Variants in ACOXL observed in about 807,000 individuals in gnomAD.
ACOXL encodes acyl-CoA oxidase like.
A neutral mutation model predicts 71.9 loss-of-function variants in ACOXL; 70 were observed. The ratio of observed to expected loss-of-function variants is 0.97; its 90% CI spans 0.80 to 1.19. ACOXL has a LOEUF of 1.19. Ranked by LOEUF, ACOXL falls within the 50% of genes most tolerant of loss-of-function variation. The pLI is 0.00. For missense variants in ACOXL, 703 were observed against 736.3 expected (o/e 0.95, Z 0.52); for synonymous variants, 253 against 281.6 (o/e 0.90, Z 1.02).
intron 2 of ACOXL, 151 bp downstream of exon 2, chr2:110,768,615 T>C: frequency 1.4e-6 from 1 of 701,188 alleles, no homozygotes; most frequent in Non-Finnish European, 2.4e-6. Flanking sequence ...TTGCGTGTTA[T>C]GGAGGTTTGA....
At chr2:110,938,938 A>G (rs1346851740) in intron 12 of ACOXL, among the ~76,000 whole-genome samples, 1 of 152,132 alleles carries the variant, frequency 6.6e-6, no homozygotes, top group Admixed American at 6.5e-5. Flanking sequence ...CAATGATGAC[A>G]TTCATTAGCT....
In ACOXL at chr2:110,793,694, C is replaced by T. The variant is rs773459147; in HGVS notation, c.204C>T (p.Leu68=). The T allele has an allele frequency of 2.7e-5, 44 of 1,614,002 alleles. No individual in the cohort carries two copies. Among genetic ancestry groups the T allele is most frequent in the Admixed American group, 6.7e-5 (4 of 60,006 alleles). Reference sequence around the variant, plus strand: ...TATTTGGTGGTGCTATCAGGAATCTCGGAAGCCCTGAACATGTTACTAAGT... The same window carrying T: ...TATTTGGTGGTGCTATCAGGAATCTTGGAAGCCCTGAACATGTTACTAAGT... The part of the protein sequence containing the change: ...YWLFGGAIRN[L]GSPEHVTKWF... The change falls in exon 4 of 18, where the codon CTC becomes CTT. Residue 68 remains leucine, a synonymous_variant. Transcript: ENST00000439055.
intron 6 of ACOXL, 131 bp downstream of exon 6, chr2:110,798,855 A>G (rs1024683426): frequency 8.7e-7 from 1 of 1,146,080 alleles, no homozygotes; most frequent in Admixed American, 1.9e-5. Context: ...ATATGCATGA[A>G]GAAATTTATC....
chr2:110,921,514 C>A (rs2060075499), intron 11 of ACOXL, among the ~76,000 whole-genome samples: 2 of 151,620 alleles, frequency 1.3e-5, no homozygotes, highest in Non-Finnish European at 2.9e-5. Flanking sequence ...CTGCCTCAGC[C>A]TCCCAAGTAG....
chr2:110,750,190 T>G (rs1285584775), intron 1 of ACOXL, among the ~76,000 whole-genome samples: 1 of 152,130 alleles, frequency 6.6e-6, no homozygotes, highest in Non-Finnish European at 1.5e-5. Context: ...TGGGGCTAGT[T>G]AAGCTCCATT....
intron 12 of ACOXL, among the ~76,000 whole-genome samples, chr2:110,961,955 G>A (rs754385016): frequency 1.3e-5 from 2 of 152,212 alleles, no homozygotes; most frequent in African/African-American, 4.8e-5. Flanking sequence ...CCCATGACAC[G>A]TGGGGATTAT....
At chr2:111,105,179 TTATC>T (rs1298030010) in intron 17 of ACOXL, among the ~76,000 whole-genome samples, 3 of 152,260 alleles carry the variant, frequency 2.0e-5, no homozygotes, top group Middle Eastern at 3.4e-3. Context: ...TTTTCCTACT[TTATC>T]TATGCATCTG....
intron 2 of ACOXL, among the ~76,000 whole-genome samples, chr2:110,779,936 C>T (rs1683125304): frequency 3.3e-5 from 5 of 152,024 alleles, no homozygotes; most frequent in Admixed American, 6.6e-5. Context: ...AACATATAAA[C>T]GAAAATATAC....
rs201299668 is a variant in ACOXL, at chr2:111,075,239, A to G, written c.1441-17626A>G. ...GGCCTAGAGATTTCTTTTTTTTACA[A>G]TCTTTTAACTATGAATTACATTTTC... On this transcript the variant is annotated intron_variant, in intron 16 of 17. Transcript: ENST00000439055. 3.0e-4 allele frequency among the ~76,000 whole-genome samples: 46 copies of G among 152,204 alleles called. 1 individual carries two copies. In the East Asian group the frequency reaches 7.5e-3, roughly 25 times the overall value.
intron 16 of ACOXL, among the ~76,000 whole-genome samples, chr2:111,069,164 T>A (rs1211072751): frequency 3.3e-5 from 5 of 149,948 alleles, no homozygotes; most frequent in East Asian, 1.9e-4. Context: ...TTTTTTTTTT[T>A]AATTTGAGAC....
intron 17 of ACOXL, chr2:111,093,453 G>A (rs370219611): frequency 1.5e-5 from 25 of 1,613,706 alleles, no homozygotes; most frequent in Non-Finnish European, 2.1e-5. Context: ...ATACTCATCA[G>A]TAAAACACAT....
chr2:110,798,470 A>G, intron 5 of ACOXL, 140 bp from the exon 6 acceptor site: 1 of 605,460 alleles, frequency 1.7e-6, no homozygotes, highest in Non-Finnish European at 3.0e-6. Context: ...GTTAGCCAGG[A>G]TGGTCTCGAT....
chr2:110,870,818 C>T (rs965981053), intron 10 of ACOXL, among the ~76,000 whole-genome samples: 2 of 152,122 alleles, frequency 1.3e-5, no homozygotes, highest in Non-Finnish European at 2.9e-5. Context: ...CTCCTTGGCT[C>T]CCTGGAAATG....
intron 12 of ACOXL, among the ~76,000 whole-genome samples, chr2:110,947,061 T>C (rs534512199): frequency 6.6e-6 from 1 of 152,250 alleles, no homozygotes; most frequent in East Asian, 1.9e-4. Context: ...AAGGGGAGAA[T>C]CAAACTGACC....
chr2:111,013,722 T>C (rs1421708317), intron 14 of ACOXL, among the ~76,000 whole-genome samples: 1 of 152,184 alleles, frequency 6.6e-6, no homozygotes, highest in African/African-American at 2.4e-5. Context: ...ATGGTTTTAC[T>C]GTTGAATTCT....
intron 12 of ACOXL, among the ~76,000 whole-genome samples, chr2:110,979,846 C>T (rs1275315945): frequency 1.3e-5 from 2 of 152,222 alleles, no homozygotes; most frequent in African/African-American, 2.4e-5. Flanking sequence ...TCAGCTCCCA[C>T]TGACCATCGC....
chr2:110,884,146 T>A (rs771891898), intron 10 of ACOXL, among the ~76,000 whole-genome samples: 2 of 152,200 alleles, frequency 1.3e-5, no homozygotes, highest in Non-Finnish European at 2.9e-5. Context: ...TGGGAACTCT[T>A]ATAAGGAGAA....
chr2:110,846,659 A>ACACACACACACACG (rs1488176844), intron 10 of ACOXL, among the ~76,000 whole-genome samples: 2 of 151,796 alleles, frequency 1.3e-5, no homozygotes, highest in Non-Finnish European at 2.9e-5. Flanking sequence ...ACACACACAC[A>ACACACACACACACG]CACACACACA....
At chr2:110,972,566 A>G (rs753858243) in intron 12 of ACOXL, among the ~76,000 whole-genome samples, 43 of 152,170 alleles carry the variant, frequency 2.8e-4, no homozygotes, top group Non-Finnish European at 5.1e-4. Flanking sequence ...GATTTATTAC[A>G]GCAAAATCAT....
Sources: gnomAD v4.1 joint callset for allele counts (sites outside exome capture counted in the v4.1 genomes callset) on GRCh38, gnomAD v4.1.1 for gene constraint, MANE v1.5 for transcripts, NCBI Gene and HGNC (gene_info 2026-07-23, HGNC 2026-07-21) for gene names.